The following ZNF609 variants were observed in gnomAD, a reference collection of about 807,000 sequenced individuals.
ZNF609 encodes the protein zinc finger protein 609.
Under a neutral mutation model 109.5 loss-of-function variants are expected in ZNF609, and 11 were observed. The ratio of observed to expected loss-of-function variants is 0.10; its 90% confidence interval spans 0.06 to 0.17. The LOEUF (loss-of-function observed/expected upper bound fraction) is 0.17, where lower values mean the gene tolerates loss of function less well. Among genes scored for constraint, ZNF609 ranks in the 10% least tolerant of loss-of-function variants. ZNF609 has a pLI of 1.00. For synonymous variants in ZNF609, 646 were observed against 662.0 expected (o/e 0.98, Z 0.37); for missense variants, 1,559 against 1,772.4 (o/e 0.88, Z 2.16).
chr15:64,509,816 A>G (rs553304860), intron 2 of ZNF609, among the ~76,000 whole-genome samples: 1 of 152,340 alleles, frequency 6.6e-6, no homozygotes, highest in African/African-American at 2.4e-5. Flanking sequence ...TTGTTTTCAT[A>G]CAGGAAGTTT....
intron 1 of ZNF609, among the ~76,000 whole-genome samples, chr15:64,464,663 G>A (rs1359081221): frequency 7.5e-6 from 1 of 133,594 alleles, no homozygotes; most frequent in Non-Finnish European, 1.6e-5. Flanking sequence ...TGATACCTCT[G>A]TTATAAAAGT....
intron 1 of ZNF609, among the ~76,000 whole-genome samples, chr15:64,496,420 T>C (rs1893483690): frequency 6.6e-6 from 1 of 152,342 alleles, no homozygotes; most frequent in African/African-American, 2.4e-5. Flanking sequence ...TAGATTAATG[T>C]AGGTTACACT....
At chr15:64,548,767 AAAAG>A (rs962503653) in intron 2 of ZNF609, among the ~76,000 whole-genome samples, 7 of 152,224 alleles carry the variant, frequency 4.6e-5, no homozygotes, top group Admixed American at 1.3e-4. Flanking sequence ...GTCTTTAAAA[AAAAG>A]AAAGAAAGAA....
intron 2 of ZNF609, among the ~76,000 whole-genome samples, chr15:64,521,142 GT>G (rs1292544509): frequency 6.6e-6 from 1 of 152,158 alleles, no homozygotes; most frequent in Non-Finnish European, 1.5e-5. Context: ...GAAGCAATAG[GT>G]TAAGTAACCC....
chr15:64,528,891 C>A (rs1595708541), intron 2 of ZNF609: 5 of 1,022,314 alleles, frequency 4.9e-6, no homozygotes, highest in Non-Finnish European at 7.7e-6. Context: ...GCCTACTTCA[C>A]CACCTTCTTG....
chr15:64,503,241 G>C (rs1367733203), intron 2 of ZNF609, among the ~76,000 whole-genome samples: 2 of 152,140 alleles, frequency 1.3e-5, no homozygotes, highest in Non-Finnish European at 2.9e-5. Flanking sequence ...CTGTTTCCCA[G>C]AGTTCTAGGA....
intron 3 of ZNF609, among the ~76,000 whole-genome samples, chr15:64,662,247 A>G (rs1373949855): frequency 6.6e-6 from 1 of 152,258 alleles, no homozygotes; most frequent in Non-Finnish European, 1.5e-5. Context: ...GGAACCCCCA[A>G]TAATACCTTT....
chr15:64,516,864 C>G (rs1893819195), intron 2 of ZNF609, among the ~76,000 whole-genome samples: 1 of 152,078 alleles, frequency 6.6e-6, no homozygotes, highest in Admixed American at 6.6e-5. Flanking sequence ...AATCAGGCTA[C>G]CGAACAATAA....
At chr15:64,642,379 C>T (rs1405937098) in intron 3 of ZNF609, among the ~76,000 whole-genome samples, 1 of 151,948 alleles carries the variant, frequency 6.6e-6, no homozygotes, top group Non-Finnish European at 1.5e-5. Flanking sequence ...GAGACTAGGT[C>T]TCGCTGTGTT....
chr15:64,582,636 T>C (rs953438118), intron 2 of ZNF609, among the ~76,000 whole-genome samples: 2 of 152,118 alleles, frequency 1.3e-5, no homozygotes, highest in African/African-American at 4.8e-5. Flanking sequence ...CTGTTCTGCC[T>C]GTTCTCACAT....
intron 2 of ZNF609, among the ~76,000 whole-genome samples, chr15:64,521,162 G>A (rs1893885657): frequency 6.6e-6 from 1 of 152,166 alleles, no homozygotes; most frequent in African/African-American, 2.4e-5. Flanking sequence ...CCACGTCCAT[G>A]TCTTAAGAGG....
In ZNF609 at chr15:64,622,979, T is replaced by C; in HGVS notation, c.900T>C (p.Pro300=). The C allele has an allele frequency of 6.2e-7, 1 of 1,614,272 alleles. No individual in the cohort carries two copies. Among genetic ancestry groups the C allele is most frequent in the East Asian group, 2.2e-5 (1 of 44,890 alleles). ...GTGATGTGGCTCTGGCCACAGAGCC[T>C]GAGTGCTTGGGCCCCTGTGAACCTG... ...NTCDVALATE[P]ECLGPCEPGT... Residue 300 remains proline (P), a synonymous_variant, in exon 3 of 10, where the codon CCT becomes CCC. Transcript: ENST00000326648.
intron 2 of ZNF609, among the ~76,000 whole-genome samples, chr15:64,552,942 C>G (rs1894508662): frequency 6.6e-6 from 1 of 152,248 alleles, no homozygotes; most frequent in Non-Finnish European, 1.5e-5. Context: ...AGGCATTGCA[C>G]TCAGCCAAAA....
At chr15:64,677,752 A>G (rs902918949) in intron 5 of ZNF609, among the ~76,000 whole-genome samples, 1 of 152,122 alleles carries the variant, frequency 6.6e-6, no homozygotes, top group Non-Finnish European at 1.5e-5. Flanking sequence ...CCAGTCCCTG[A>G]GCGTGCTCTG....
chr15:64,649,509 A>C (rs1045094570), intron 3 of ZNF609, among the ~76,000 whole-genome samples: 1 of 152,196 alleles, frequency 6.6e-6, no homozygotes, highest in Non-Finnish European at 1.5e-5. Flanking sequence ...AAAGGTAAGT[A>C]AGTAGCTGAG....
At chr15:64,468,328 C>T (rs951685830) in intron 1 of ZNF609, among the ~76,000 whole-genome samples, 1 of 151,032 alleles carries the variant, frequency 6.6e-6, no homozygotes, top group African/African-American at 2.4e-5. Flanking sequence ...TCTGCTTCTC[C>T]TTCCTTAAGA....
chr15:64,595,465 G>C (rs1895379341), intron 2 of ZNF609, among the ~76,000 whole-genome samples: 1 of 151,996 alleles, frequency 6.6e-6, no homozygotes, highest in East Asian at 1.9e-4. Context: ...AGAGAGGGAG[G>C]GTTTGAAATT....
intron 2 of ZNF609, among the ~76,000 whole-genome samples, chr15:64,512,503 A>G (rs1893746992): frequency 6.6e-6 from 1 of 152,200 alleles, no homozygotes; most frequent in Admixed American, 6.5e-5. Context: ...AATTCATGAC[A>G]TTTGAAAATA....
At chr15:64,604,293 A>G (rs1895558730) in intron 2 of ZNF609, among the ~76,000 whole-genome samples, 1 of 152,230 alleles carries the variant, frequency 6.6e-6, no homozygotes, top group South Asian at 2.1e-4. Context: ...AAGGCTTGCT[A>G]AACTACTTCC....
Sources: gnomAD v4.1 joint callset for allele counts (sites outside exome capture counted in the v4.1 genomes callset) on GRCh38, gnomAD v4.1.1 for gene constraint, MANE v1.5 for transcripts, NCBI Gene and HGNC (gene_info 2026-07-23, HGNC 2026-07-21) for gene names.